The following CAMK2G variants were observed in gnomAD, a reference collection of about 807,000 sequenced individuals.
CAMK2G encodes the protein calcium/calmodulin dependent protein kinase II gamma.
Under a neutral mutation model 88.7 loss-of-function variants are expected in CAMK2G, and 23 were observed. The ratio of observed to expected loss-of-function variants is 0.26; its 90% CI spans 0.19 to 0.37. The LOEUF is 0.37. CAMK2G is among the 10% of genes least tolerant of loss of function. The pLI is 1.00. For synonymous variants in CAMK2G, 263 were observed against 294.8 expected, an observed-to-expected ratio of 0.89 and a Z score of 1.11; for missense variants, 476 against 780.8, an observed-to-expected ratio of 0.61 and a Z score of 4.65.
intron 9 of CAMK2G, 139 bp from the exon 10 acceptor site, chr10:73,847,486 C>T (rs1195550361): frequency 2.3e-6 from 2 of 866,704 alleles, no homozygotes; most frequent in East Asian, 2.6e-5. Flanking sequence ...TTGGAGAAGC[C>T]CTGCGGCTAT....
At chr10:73,838,684 G>A (rs529939730) in intron 13 of CAMK2G, among the ~76,000 whole-genome samples, 62 of 152,250 alleles carry the variant, frequency 4.1e-4, no homozygotes, top group African/African-American at 1.4e-3. Context: ...TTATCTTGTC[G>A]TGCTGGGTTT....
intron 10 of CAMK2G, chr10:73,846,500 G>C (rs555727704): frequency 6.6e-6 from 1 of 152,272 alleles, no homozygotes; most frequent in Non-Finnish European, 1.5e-5. Flanking sequence ...CTGCCTGTTT[G>C]AGTGCCTGTC....
At chr10:73,831,161 T>C (rs1180034722) in intron 14 of CAMK2G, among the ~76,000 whole-genome samples, 1 of 152,216 alleles carries the variant, frequency 6.6e-6, no homozygotes, top group African/African-American at 2.4e-5. Flanking sequence ...ATAAAAGGAC[T>C]GCAGCCACAA....
chr10:73,859,016 G>A (rs2095242145), intron 3 of CAMK2G, among the ~76,000 whole-genome samples: 2 of 152,210 alleles, frequency 1.3e-5, no homozygotes, highest in African/African-American at 4.8e-5. Context: ...GCCTACATGA[G>A]GACAAATTAT....
chr10:73,814,912 C>T, intron 22 of CAMK2G, 91 bp downstream of exon 22: 1 of 868,092 alleles, frequency 1.2e-6, no homozygotes, highest in Non-Finnish European at 1.8e-6. Flanking sequence ...CACACCTCCT[C>T]TCCCAGGACC....
At chr10:73,854,212 C>CG (rs1313532583) in intron 3 of CAMK2G, among the ~76,000 whole-genome samples, 1 of 152,234 alleles carries the variant, frequency 6.6e-6, no homozygotes, top group Non-Finnish European at 1.5e-5. Flanking sequence ...AAAGCAGCAT[C>CG]GCAGACAGGT....
chr10:73,815,905 TTTAG>T, intron 21 of CAMK2G: 2 of 985,304 alleles, frequency 2.0e-6, no homozygotes, highest in Non-Finnish European at 2.4e-6. Context: ...AGATTCACAT[TTTAG>T]TTCAATTCAA....
At chr10:73,816,591 G>A (rs1206193038) in intron 21 of CAMK2G, 21 of 607,260 alleles carry the variant, frequency 3.5e-5, no homozygotes, top group Non-Finnish European at 4.9e-5. Context: ...CACCCGAGTA[G>A]CTGGGACTAC....
chr10:73,856,332 G>A (rs1313357344), intron 3 of CAMK2G, among the ~76,000 whole-genome samples: 1 of 152,206 alleles, frequency 6.6e-6, no homozygotes, highest in Non-Finnish European at 1.5e-5. Flanking sequence ...TCCTGATATT[G>A]CAGAGTTGCT....
At chr10:73,823,041 T>C (rs182440486) in intron 17 of CAMK2G, among the ~76,000 whole-genome samples, 1 of 152,040 alleles carries the variant, frequency 6.6e-6, no homozygotes, top group Admixed American at 6.5e-5. Flanking sequence ...TCTGTATCTT[T>C]AGTAGAGATG....
rs2085358399 is a variant in CAMK2G, at chr10:73,816,043, G to C, written c.1535-796C>G. ...ATGTAGCTGAGATGTGATAAGGGTG[G>C]GAGCCAGCGGAGAAGTTAGTGACTA... On this transcript the variant is annotated intron_variant, in intron 21 of 22. Transcript: ENST00000423381. 5 of 985,306 alleles carry C rather than the reference G, an allele frequency of 5.1e-6. No individual in the cohort carries two copies. In the African/African-American group the frequency reaches 7.0e-5, roughly 14 times the overall value. The allele number at this position is 985,306 out of a possible 1,614,324, so 61.0% of individuals were successfully genotyped here.
chr10:73,866,459 T>C (rs940374858), intron 2 of CAMK2G, among the ~76,000 whole-genome samples: 3 of 151,688 alleles, frequency 2.0e-5, no homozygotes, highest in African/African-American at 7.3e-5. Context: ...CTTAGTGACA[T>C]TTTCCTAAAA....
Position 73,839,668 on chromosome 10 carries a change from GC to G in CAMK2G, c.947-68del. On this transcript the variant is annotated intron_variant, in intron 12 of 22. Coordinates refer to ENST00000423381, the MANE Select transcript of CAMK2G (RefSeq NM_001367534.1). This position sits in a 1 kb window ranked among gnomAD's most constrained non-coding sequence, Gnocchi z 4.2. ...CCACGGGGCCGTCAGCAGCGAGCAT[GC>G]CCCAGCGCGAGGCGCAGCCCAGGCG... is the stretch of plus-strand genomic sequence containing the variant. The G allele has an allele frequency of 9.9e-7, 1 of 1,006,412 alleles. No individual in the cohort carries two copies. The highest frequency in any genetic ancestry group is 1.3e-6 in the Non-Finnish European group (1 of 781,244). 62.3% of individuals were successfully genotyped at this position (1,006,412 alleles called of 1,614,324 possible). A position where few individuals can be genotyped will look rare whatever the true frequency, so the allele number is the denominator to read the frequency against.
intron 2 of CAMK2G, among the ~76,000 whole-genome samples, chr10:73,864,972 C>T (rs544397197): frequency 1.3e-5 from 2 of 152,312 alleles, no homozygotes; most frequent in East Asian, 3.9e-4. Context: ...AAAATAGAGA[C>T]AGCAAGATCT....
chr10:73,820,484 A>ATT (rs1416596844), intron 18 of CAMK2G, among the ~76,000 whole-genome samples: 21 of 36,092 alleles, frequency 5.8e-4, no homozygotes, highest in African/African-American at 3.3e-3. Flanking sequence ...ATATATATAT[A>ATT]TATATATATT....
Position 73,842,604 on chromosome 10 carries a change from G to A in CAMK2G, c.820-63C>T, listed in dbSNP as rs1019389793. The A allele has an allele frequency of 1.7e-5, 20 of 1,182,202 alleles. No homozygotes were observed. The Admixed American group carries it at 2.2e-4, about 13-fold the overall frequency. 73.2% of individuals were successfully genotyped at this position (1,182,202 alleles called of 1,614,324 possible). ...GATCCTCTGCGCCTCCCACAGTCCT[G>A]GCACCGATACCATGCCCAGGACAGG... On this transcript the variant is annotated intron_variant, in intron 10 of 22. Coordinates refer to ENST00000423381, the MANE Select transcript of CAMK2G (RefSeq NM_001367534.1). This position sits in a 1 kb window ranked among gnomAD's most constrained non-coding sequence, Gnocchi z 4.6.
intron 15 of CAMK2G, 33 bp from the exon 16 acceptor site, chr10:73,825,380 C>T (rs2090565882): frequency 6.4e-7 from 1 of 1,570,982 alleles, no homozygotes; most frequent in Admixed American, 1.7e-5. Context: ...TTAGTTCCTC[C>T]AGAGTCCCCA....
intron 19 of CAMK2G, chr10:73,818,891 CG>C (rs2086729347): frequency 2.2e-6 from 1 of 449,788 alleles, no homozygotes. Flanking sequence ...CCAGCACAGA[CG>C]TAACTAGAAA....
At chr10:73,820,486 A>ATATATG (rs2087775434) in intron 18 of CAMK2G, among the ~76,000 whole-genome samples, 1 of 51,880 alleles carries the variant, frequency 1.9e-5, no homozygotes, top group Non-Finnish European at 3.4e-5. Flanking sequence ...ATATATATAT[A>ATATATG]TATATATTTT....
Sources: allele counts gnomAD v4.1 joint callset (sites outside exome capture counted in the v4.1 genomes callset), GRCh38; gene constraint gnomAD v4.1.1; non-coding constraint Gnocchi (gnomAD v3.1); transcripts MANE v1.5; gene names NCBI Gene and HGNC (gene_info 2026-07-23, HGNC 2026-07-21).